Variants in DSCAML1 observed in about 807,000 individuals in gnomAD.
The protein encoded by DSCAML1 is cell adhesion molecule DSCAML1.
In DSCAML1, 38 loss-of-function variants were observed where a neutral mutation model predicts 200.5. The observed-to-expected ratio is 0.19, with a 90% confidence interval of 0.15 to 0.25. The LOEUF (loss-of-function observed/expected upper bound fraction) is 0.25, where lower values mean the gene tolerates loss of function less well. DSCAML1 is among the 10% of genes least tolerant of loss of function. The pLI is 1.00. For missense variants in DSCAML1, 2,223 were observed against 2,858.8 expected (o/e 0.78, Z 5.07); for synonymous variants, 1,215 against 1,165.0 (o/e 1.04, Z -0.87).
intron 3 of DSCAML1, among the ~76,000 whole-genome samples, chr11:117,671,884 G>T (rs191355854): frequency 6.6e-6 from 1 of 152,030 alleles, no homozygotes; most frequent in East Asian, 1.9e-4. Flanking sequence ...GGCCGAGGCG[G>T]GCGGATTACC....
chr11:117,665,352 C>A (rs1284390667), intron 3 of DSCAML1, among the ~76,000 whole-genome samples: 1 of 152,182 alleles, frequency 6.6e-6, no homozygotes, highest in East Asian at 1.9e-4. Context: ...TAAAATGAGG[C>A]TACCTCAATG....
At chr11:117,697,420 A>AT (rs145105470) in intron 3 of DSCAML1, among the ~76,000 whole-genome samples, 9,324 of 151,952 alleles carry the variant, frequency 0.061, 925 homozygotes, top group African/African-American at 0.21. Context: ...TTTTTTCCAC[A>AT]TTTTTTTTAT....
chr11:117,598,606 C>T (rs577788357), intron 3 of DSCAML1, among the ~76,000 whole-genome samples: 1 of 152,210 alleles, frequency 6.6e-6, no homozygotes, highest in African/African-American at 2.4e-5. Flanking sequence ...AGAGACTGAT[C>T]TAACTGATCT....
chr11:117,810,750 G>A (rs1271833659), intron 1 of DSCAML1, among the ~76,000 whole-genome samples: 3 of 152,190 alleles, frequency 2.0e-5, no homozygotes, highest in Non-Finnish European at 2.9e-5. Flanking sequence ...TCCTACAAGA[G>A]CTAAATAATT....
intron 29 of DSCAML1, 94 bp from the exon 30 acceptor site, chr11:117,432,598 G>A (rs1352301511): frequency 1.4e-6 from 2 of 1,391,440 alleles, no homozygotes; most frequent in African/African-American, 1.5e-5. Context: ...TTTATCCAAT[G>A]TGTTTTTTGT....
chr11:117,804,687 T>G (rs1490609297), intron 1 of DSCAML1, among the ~76,000 whole-genome samples: 2 of 152,160 alleles, frequency 1.3e-5, no homozygotes, highest in Admixed American at 6.5e-5. Flanking sequence ...TCCCAGCACT[T>G]CGAGAGGCTG....
Position 117,790,717 on chromosome 11 carries a change from G to T in DSCAML1, c.46+6317C>A, listed in dbSNP as rs189826268. 6.6e-5 allele frequency among the ~76,000 whole-genome samples: 10 copies of T among 152,288 alleles called. No individual in the cohort carries two copies. In the East Asian group the frequency reaches 1.9e-3, roughly 29 times the overall value. On this transcript the variant is annotated intron_variant, in intron 1 of 32. Coordinates refer to ENST00000651296, the MANE Select transcript of DSCAML1 (RefSeq NM_020693.4). ...TTTATGCACATATACAGTAACAACT[G>T]CTCTGTAGGATAGCCAGGACGGGGG...
At chr11:117,645,833 T>C (rs1380486950) in intron 3 of DSCAML1, among the ~76,000 whole-genome samples, 2 of 151,708 alleles carry the variant, frequency 1.3e-5, no homozygotes, top group Non-Finnish European at 2.9e-5. Context: ...TGCACCAGCA[T>C]GGCACATGTA....
intron 3 of DSCAML1, among the ~76,000 whole-genome samples, chr11:117,764,994 A>T (rs995115014): frequency 2.6e-5 from 4 of 152,172 alleles, no homozygotes; most frequent in Non-Finnish European, 5.9e-5. Flanking sequence ...CCCTTCTCCC[A>T]TTCCGTTGTC....
chr11:117,697,773 CTT>C (rs571575861), intron 3 of DSCAML1, among the ~76,000 whole-genome samples: 71 of 137,956 alleles, frequency 5.1e-4, no homozygotes, highest in Admixed American at 5.1e-4. Context: ...TCAAAATTTC[CTT>C]TTTTTTTTTT....
chr11:117,788,325 G>T (rs948565354), intron 1 of DSCAML1, among the ~76,000 whole-genome samples: 6 of 151,036 alleles, frequency 4.0e-5, no homozygotes, highest in African/African-American at 7.4e-5. Flanking sequence ...TTTTGTTTTT[G>T]TTGTTGTTGT....
chr11:117,591,181 G>T (rs1478470125), intron 3 of DSCAML1, among the ~76,000 whole-genome samples: 1 of 152,168 alleles, frequency 6.6e-6, no homozygotes, highest in African/African-American at 2.4e-5. Context: ...CATACAGAGA[G>T]CAGCACAGTT....
chr11:117,612,003 C>CAGACACACACAG, intron 3 of DSCAML1: 1 of 152,390 alleles, frequency 6.6e-6, no homozygotes, highest in African/African-American at 2.4e-5. Flanking sequence ...CAAACAGACA[C>CAGACACACACAG]AGACACACAC....
chr11:117,609,926 G>A (rs2137528439), intron 3 of DSCAML1, among the ~76,000 whole-genome samples: 1 of 152,244 alleles, frequency 6.6e-6, no homozygotes, highest in East Asian at 1.9e-4. Flanking sequence ...GAAACCGAGA[G>A]GGTCTGCAGA....
intron 3 of DSCAML1, among the ~76,000 whole-genome samples, chr11:117,634,255 T>C (rs1016224490): frequency 6.6e-6 from 1 of 152,290 alleles, no homozygotes; most frequent in Non-Finnish European, 1.5e-5. Context: ...GAATCTTGGA[T>C]ACCTTAAAGG....
chr11:117,554,256 C>G (rs1054745470), intron 3 of DSCAML1, among the ~76,000 whole-genome samples: 1 of 152,142 alleles, frequency 6.6e-6, no homozygotes, highest in African/African-American at 2.4e-5. Context: ...ATACTTCATG[C>G]CACTGAACTG....
At chr11:117,456,671 C>CTTTTTTTTTTTTTTTTTTTTTT (rs10661996) in intron 19 of DSCAML1, among the ~76,000 whole-genome samples, 3 of 142,138 alleles carry the variant, frequency 2.1e-5, no homozygotes, top group African/African-American at 2.6e-5. Context: ...GCAGTCATTT[C>CTTTTTTTTTTTTTTTTTTTTTT]TTTTTTTTTT....
chr11:117,720,370 G>C (rs754774428), intron 3 of DSCAML1, among the ~76,000 whole-genome samples: 1 of 152,142 alleles, frequency 6.6e-6, no homozygotes, highest in Non-Finnish European at 1.5e-5. Flanking sequence ...ACAAAGTACC[G>C]AGATGGAGTC....
intron 3 of DSCAML1, among the ~76,000 whole-genome samples, chr11:117,603,764 C>T (rs2051510241): frequency 6.6e-6 from 1 of 151,950 alleles, no homozygotes; most frequent in Non-Finnish European, 1.5e-5. Context: ...TAAGAGATGC[C>T]AAAATTTTGG....
Sources: allele counts gnomAD v4.1 joint callset (sites outside exome capture counted in the v4.1 genomes callset), GRCh38; gene constraint gnomAD v4.1.1; transcripts MANE v1.5; gene names NCBI Gene and HGNC (gene_info 2026-07-23, HGNC 2026-07-21).